Variants in SALL4 observed in about 807,000 individuals in gnomAD.
SALL4 encodes sal-like protein 4.
SALL4 carries 4 observed loss-of-function variants against 60.8 expected under a neutral mutation model. The ratio of observed to expected loss-of-function variants is 0.07; its 90% confidence interval spans 0.03 to 0.15. The LOEUF (loss-of-function observed/expected upper bound fraction) is 0.15, where lower values mean the gene tolerates loss of function less well. Ranked by LOEUF, SALL4 falls within the 10% of genes least tolerant of loss-of-function variation. The pLI, the probability that SALL4 is intolerant of heterozygous loss-of-function variation, is 1.00. For missense variants in SALL4, 1,178 were observed against 1,394.7 expected, an observed-to-expected ratio of 0.84 and a Z score of 2.48; for synonymous variants, 580 against 574.9, an observed-to-expected ratio of 1.01 and a Z score of -0.13.
chr20:51,797,038 A>G (rs1010141506), intron 1 of SALL4, among the ~76,000 whole-genome samples: 1 of 152,082 alleles, frequency 6.6e-6, no homozygotes, highest in African/African-American at 2.4e-5. Flanking sequence ...AAAAAATACT[A>G]ATTTTCACTA....
chr20:51,794,995 T>C (rs1298058914), intron 1 of SALL4, among the ~76,000 whole-genome samples: 1 of 152,110 alleles, frequency 6.6e-6, no homozygotes, highest in Non-Finnish European at 1.5e-5. Context: ...CGACCACCCA[T>C]TCCTGTCTCA....
At chr20:51,792,615 G>A (rs1356140489) in intron 1 of SALL4, 1 of 584,246 alleles carries the variant, frequency 1.7e-6, no homozygotes, top group Admixed American at 3.5e-5. Context: ...CTTGAACCCA[G>A]GAGGCAGAGG....
Position 51,801,607 on chromosome 20 carries a change from A to C in SALL4, c.130+672T>G, listed in dbSNP as rs926555753. 1 of 152,516 alleles carries C rather than the reference A, an allele frequency of 6.6e-6. No individual in the cohort carries two copies. The highest frequency in any genetic ancestry group is 6.5e-5 in the Admixed American group (1 of 15,282). The allele number at this position is 152,516 out of a possible 1,614,324, so 9.4% of individuals were successfully genotyped here. A position where few individuals can be genotyped will look rare whatever the true frequency, so the allele number is the denominator to read the frequency against. On this transcript the variant is annotated intron_variant, in intron 1 of 3. Coordinates refer to ENST00000217086, the MANE Select transcript of SALL4 (RefSeq NM_020436.5). This position sits in a 1 kb window ranked among gnomAD's most constrained non-coding sequence, Gnocchi z 5.2. ...GGCGCAGCCCGGGCAGAAAAGGCGA[A>C]ATCCAGAAAAGAAAAAAATTTTAAA...
At position 51,790,359 on chromosome 20, in the gene SALL4, G is replaced by A. The variant is rs1205771418; in HGVS notation, c.2124C>T (p.Val708=). Residue 708 remains valine (V), a synonymous_variant, in exon 2 of 4, where the codon GTC becomes GTT. Transcript: ENST00000217086. The surrounding 1 kb of genome is among the most constrained non-coding windows in gnomAD (Gnocchi z 5.5). ...AGTGGATGCTGGGAAGAGGCGTGGG[G>A]ACCTTGGAGGAGCTGCTGGGAGCCT... is the stretch of plus-strand genomic sequence containing the variant. The part of the protein sequence containing the change: ...SQEAPSSSSK[V]PTPLPSIHSA... 1 of 1,614,132 alleles carries A rather than the reference G, an allele frequency of 6.2e-7. No homozygotes were observed. The highest frequency in any genetic ancestry group is 8.5e-7 in the Non-Finnish European group (1 of 1,180,036).
In SALL4 at chr20:51,784,529, AG is replaced by A; in HGVS notation, c.2897del (p.Pro966LeufsTer17). On this transcript the variant is annotated frameshift_variant, in exon 4 of 4. Transcript: ENST00000217086. LOFTEE classifies it high-confidence loss of function. ...TGCTGGTGTACTGGTTCCACACAACAGGGTCCACATTCACTGAAGGGGCCAG... is the reference window on the plus strand; with the variant it reads ...TGCTGGTGTACTGGTTCCACACAACAGGTCCACATTCACTGAAGGGGCCAG... ...EILAPSVNVD[P>X]VVWNQYTSML... The A allele has an allele frequency of 1.2e-6, 2 of 1,614,126 alleles. No homozygotes were observed. The highest frequency in any genetic ancestry group is 4.5e-5 in the East Asian group (2 of 44,880).
intron 1 of SALL4, among the ~76,000 whole-genome samples, chr20:51,794,268 A>G (rs1458341948): frequency 6.6e-6 from 1 of 152,216 alleles, no homozygotes; most frequent in African/African-American, 2.4e-5. Flanking sequence ...GTAATCATTC[A>G]ATCCTATTAA....
At position 51,802,416 on chromosome 20, in the gene SALL4, G is replaced by C. The variant is rs760644360; in HGVS notation, c.-8C>G. 1 of 1,612,572 alleles carries C rather than the reference G, an allele frequency of 6.2e-7. No individual in the cohort carries two copies. The highest frequency in any genetic ancestry group is 2.2e-5 in the East Asian group (1 of 44,866). Reference sequence around the variant, plus strand: ...CTGCTTGCGCCTCGACATGGTGCGAGCATCGGGGCGCCGGGAGAGCCGCAG... The same window carrying C: ...CTGCTTGCGCCTCGACATGGTGCGACCATCGGGGCGCCGGGAGAGCCGCAG... On this transcript the variant is annotated 5_prime_UTR_variant, in exon 1 of 4. Coordinates refer to ENST00000217086, the MANE Select transcript of SALL4 (RefSeq NM_020436.5).
chr20:51,800,950 G>A (rs1175870754), intron 1 of SALL4, among the ~76,000 whole-genome samples: 1 of 152,176 alleles, frequency 6.6e-6, no homozygotes, highest in Admixed American at 6.5e-5. Context: ...CAAAAAGGCG[G>A]GGATACGGAA....
rs147732522 is a variant in SALL4, at chr20:51,784,365, G to A, written c.3062C>T (p.Ser1021Leu). ...ATVSKMDGSQ[S>L]GISADVEKPS... is the part of the protein sequence containing the mutation. ...TTTTTCCACATCTGCACTGATACCC[G>A]ACTGGGAGCCATCCATCTTGGAGAC... Residue 1021 changes from serine to leucine, a missense_variant, in exon 4 of 4, where the codon TCG becomes TTG. By Grantham distance (145) the Ser-to-Leu change is moderately radical. This residue lies in a region of SALL4 where 174 missense variants were observed against 169.6 expected (regional missense o/e 1.03). Coordinates refer to ENST00000217086, the MANE Select transcript of SALL4 (RefSeq NM_020436.5). 60 of 1,614,032 alleles carry A rather than the reference G, an allele frequency of 3.7e-5. No individual in the cohort carries two copies. In the Admixed American group the frequency reaches 5.5e-4, roughly 15 times the overall value.
At chr20:51,786,652 A>G (rs1313710164) in intron 3 of SALL4, among the ~76,000 whole-genome samples, 2 of 152,254 alleles carry the variant, frequency 1.3e-5, no homozygotes, top group African/African-American at 2.4e-5. Context: ...AACAATGTCA[A>G]TATCTTGATT....
chr20:51,795,453 A>C (rs2078073873), intron 1 of SALL4, among the ~76,000 whole-genome samples: 1 of 152,146 alleles, frequency 6.6e-6, no homozygotes, highest in Non-Finnish European at 1.5e-5. Flanking sequence ...CAATTCCCAG[A>C]ACCCTGGCAA....
At chr20:51,800,417 T>A (rs367721394) in intron 1 of SALL4, among the ~76,000 whole-genome samples, 1 of 152,232 alleles carries the variant, frequency 6.6e-6, no homozygotes, top group Non-Finnish European at 1.5e-5. Flanking sequence ...CAAATCGCAG[T>A]GGCAGCGCAC....
chr20:51,799,888 G>A (rs34991451), intron 1 of SALL4, among the ~76,000 whole-genome samples: 13,580 of 152,042 alleles, frequency 0.089, 806 homozygotes, highest in Non-Finnish European at 0.13. Context: ...TTCTCGAATG[G>A]CTTTGCAAAA....
chr20:51,790,859 G>A lies in SALL4; in HGVS notation c.1624C>T (p.Pro542Ser). Reference sequence around the variant, plus strand: ...TTCAGGGTCTCTGACCCTGGCTCAGGGGTCCCACTCCCTTGGAAGCCACCA... The same window carrying A: ...TTCAGGGTCTCTGACCCTGGCTCAGAGGTCCCACTCCCTTGGAAGCCACCA... Reference protein sequence around the residue: ...RAGGFQGSGTPEPGSETLKLQ... With the variant: ...RAGGFQGSGTSEPGSETLKLQ... Residue 542 changes from proline (P) to serine (S), a missense_variant, in exon 2 of 4, where the codon CCT becomes TCT. Coordinates refer to ENST00000217086, the MANE Select transcript of SALL4 (RefSeq NM_020436.5). The surrounding 1 kb of genome is among the most constrained non-coding windows in gnomAD (Gnocchi z 5.5). The A allele has an allele frequency of 6.2e-7, 1 of 1,614,102 alleles. No individual in the cohort carries two copies. Among genetic ancestry groups the A allele is most frequent in the South Asian group, 1.1e-5 (1 of 91,074 alleles).
intron 1 of SALL4, among the ~76,000 whole-genome samples, chr20:51,799,495 C>G (rs2078097655): frequency 6.6e-6 from 1 of 152,218 alleles, no homozygotes; most frequent in Admixed American, 6.5e-5. Flanking sequence ...CTAACAGCAG[C>G]ACGAATGACA....
rs1311864418 is a variant in SALL4 at position 51,791,965 on chromosome 20, T to C, written c.518A>G (p.Lys173Arg). The C allele has an allele frequency of 3.1e-6, 5 of 1,614,228 alleles. No homozygotes were observed. The highest frequency in any genetic ancestry group is 1.7e-5 in the Admixed American group (1 of 60,024). ...CACATTAGTGTTGGCCACTTTGCCT[T>C]TGGCTAAATAGCTTATGTCCTGGGG... The part of the protein sequence containing the change: ...PTPQDISYLA[K>R]GKVANTNVTL... Residue 173 changes from lysine to arginine, a missense_variant, in exon 2 of 4, where the codon AAA (lysine) becomes AGA (arginine). Physicochemically the swap from Lys to Arg is conservative, Grantham distance 26. Around this residue, in one of 5 missense-constraint regions of SALL4, gnomAD observed 853 missense variants for 1,036.8 expected, o/e 0.82. Coordinates refer to ENST00000217086, the MANE Select transcript of SALL4 (RefSeq NM_020436.5). This position sits in a 1 kb window ranked among gnomAD's most constrained non-coding sequence, Gnocchi z 4.6.
In SALL4 at chr20:51,785,942, T is replaced by G. The variant is rs1254990908; in HGVS notation, c.2743-1258A>C. On this transcript the variant is annotated intron_variant, in intron 3 of 3. Transcript: ENST00000217086. Reference sequence around the variant, plus strand: ...CAGGCGTGAGCCACCACGTCCGGCCTTTTTTTTGAGTCTTAATCTGTCACC... The same window carrying G: ...CAGGCGTGAGCCACCACGTCCGGCCGTTTTTTTGAGTCTTAATCTGTCACC... Among the ~76,000 whole-genome samples the G allele has an allele frequency of 3.4e-5, 5 of 145,518 alleles. No homozygotes were observed. The East Asian group carries it at 1.1e-3, about 31-fold the overall frequency.
intron 1 of SALL4, among the ~76,000 whole-genome samples, chr20:51,793,874 G>A (rs560529455): frequency 1.3e-3 from 200 of 152,152 alleles, no homozygotes; most frequent in African/African-American, 4.5e-3. Flanking sequence ...GTGTAGGCTG[G>A]GGGTGGGTCA....
rs1472677101 is a variant in SALL4 at position 51,801,125 on chromosome 20, C to T, written c.130+1154G>A. On this transcript the variant is annotated intron_variant, in intron 1 of 3. Transcript: ENST00000217086. The surrounding 1 kb of genome is among the most constrained non-coding windows in gnomAD (Gnocchi z 5.2). ...GGAGAGGAGGCTACAAATCCCCCCT[C>T]CCCCCACGCGCACGCTAAAAACTTA... Among the ~76,000 whole-genome samples the T allele has an allele frequency of 1.3e-5, 2 of 152,074 alleles. No individual in the cohort carries two copies.
Sources: allele counts gnomAD v4.1 joint callset (sites outside exome capture counted in the v4.1 genomes callset), GRCh38; gene constraint gnomAD v4.1.1; regional missense constraint gnomAD v4.1.1; non-coding constraint Gnocchi (gnomAD v3.1); transcripts MANE v1.5; gene names NCBI Gene and HGNC (gene_info 2026-07-23, HGNC 2026-07-21).